ATG2B: variants seen among roughly 807,000 people sequenced by gnomAD.
ATG2B encodes autophagy-related protein 2 homolog B.
ATG2B carries 121 observed loss-of-function variants against 241.3 expected under a neutral mutation model. The ratio of observed to expected loss-of-function variants is 0.50; its 90% confidence interval spans 0.43 to 0.58. ATG2B has a LOEUF of 0.58. Ranked by LOEUF, ATG2B falls within the 20% of genes least tolerant of loss-of-function variation. The pLI, the probability that ATG2B is intolerant of heterozygous loss-of-function variation, is 0.00. For missense variants in ATG2B, 2,306 were observed against 2,491.6 expected (o/e 0.93, Z 1.59); for synonymous variants, 858 against 876.6 (o/e 0.98, Z 0.37).
At position 96,332,592 on chromosome 14, in the gene ATG2B, G is replaced by T. The variant is rs746956149; in HGVS notation, c.1271C>A (p.Pro424His). The change falls in exon 9 of 42, where the codon CCC becomes CAC. Residue 424 changes from proline to histidine, a missense_variant. By Grantham distance (77) the Pro-to-His change is moderately conservative. This residue lies in a region of ATG2B where 1,927 missense variants were observed against 2,011.2 expected (regional missense o/e 0.96). Transcript: ENST00000359933. ...GTCCATGTTTGGGGGGTCCCCAAGG[G>T]GTGGAAGAGAAGAGAGACTATGAGA... ...DMSHSLSSLP[P>H]LGDPPNMDLE... 4.3e-6 allele frequency: 7 copies of T among 1,609,456 alleles called. No homozygotes were observed. The highest frequency in any genetic ancestry group is 5.9e-6 in the Non-Finnish European group (7 of 1,178,484).
In ATG2B at chr14:96,331,359, C is replaced by G; in HGVS notation, c.1730+17G>C. 6.3e-7 allele frequency: 1 copy of G among 1,595,980 alleles called. No individual in the cohort carries two copies. Among genetic ancestry groups the G allele is most frequent in the Non-Finnish European group, 8.5e-7 (1 of 1,172,978 alleles). ...GTGGAAGTTTAAAGGATCATTAATA[C>G]ATATGTGAGAGTTTACCTAAGGTGA... On this transcript the variant is annotated intron_variant, in intron 11 of 41. Coordinates refer to ENST00000359933, the MANE Select transcript of ATG2B (RefSeq NM_018036.7).
rs1478220078 is a variant in ATG2B at position 96,279,905 on chromosome 14, A to C, written c.*5850T>G. 1 of 152,390 alleles carries C rather than the reference A, an allele frequency of 6.6e-6. No homozygotes were observed. The highest frequency in any genetic ancestry group is 1.5e-5 in the Non-Finnish European group (1 of 68,210). The allele number at this position is 152,390 out of a possible 1,614,324, so 9.4% of individuals were successfully genotyped here. A position where few individuals can be genotyped will look rare whatever the true frequency, so the allele number is the denominator to read the frequency against. On this transcript the variant is annotated 3_prime_UTR_variant, in exon 42 of 42. Coordinates refer to ENST00000359933, the MANE Select transcript of ATG2B (RefSeq NM_018036.7). ...CAGCGGGGGGTGGGAGGGTGGCAAC[A>C]TCCCCTGCATCCTACAATGCACAGG...
At chr14:96,321,735 C>T (rs1024170810) in intron 18 of ATG2B, among the ~76,000 whole-genome samples, 2 of 152,270 alleles carry the variant, frequency 1.3e-5, no homozygotes, top group East Asian at 1.9e-4. Context: ...AGAAAAGATG[C>T]TTCTTGTACA....
intron 3 of ATG2B, 32 bp from the exon 4 acceptor site, chr14:96,344,788 G>T: frequency 2.9e-6 from 3 of 1,032,234 alleles, no homozygotes; most frequent in South Asian, 3.2e-5. Flanking sequence ...CAACGTAAGA[G>T]ACCACATATA....
At chr14:96,351,792 T>C (rs895208628) in intron 1 of ATG2B, among the ~76,000 whole-genome samples, 16 of 151,128 alleles carry the variant, frequency 1.1e-4, no homozygotes, top group Non-Finnish European at 2.1e-4. Flanking sequence ...TCCCAGCTCC[T>C]TGGCGGGCTA....
At chr14:96,347,660 G>A (rs2139900243) in intron 1 of ATG2B, among the ~76,000 whole-genome samples, 1 of 152,286 alleles carries the variant, frequency 6.6e-6, no homozygotes, top group East Asian at 1.9e-4. Flanking sequence ...ATCCTACTAA[G>A]AAATGGGCAA....
rs1595314796 is a variant in ATG2B at position 96,328,188 on chromosome 14, T to C, written c.2163+159A>G. Among the ~76,000 whole-genome samples the C allele has an allele frequency of 5.9e-5, 9 of 152,210 alleles. No homozygotes were observed. In the South Asian group the frequency reaches 1.9e-3, roughly 32 times the overall value. ...AAAAACTTATTTAGCTAGTCTACTATCAAGACATAAAAGATGTCTCCTTTT... is the reference window on the plus strand; with the variant it reads ...AAAAACTTATTTAGCTAGTCTACTACCAAGACATAAAAGATGTCTCCTTTT... On this transcript the variant is annotated intron_variant, in intron 14 of 41. Transcript: ENST00000359933.
chr14:96,333,877 T>A lies in ATG2B; in HGVS notation c.1022-4A>T. On this transcript the variant is annotated splice_region_variant and splice_polypyrimidine_tract_variant and intron_variant, in intron 7 of 41. Transcript: ENST00000359933. ...AACCCTATTTTGCTAGAATTTTCTA[T>A]AAGCATACAAAAGGAAACCAAAACA... is the stretch of plus-strand genomic sequence containing the variant. 6.2e-7 allele frequency: 1 copy of A among 1,612,230 alleles called. No individual in the cohort carries two copies. Among genetic ancestry groups the A allele is most frequent in the Non-Finnish European group, 8.5e-7 (1 of 1,178,752 alleles).
Position 96,313,339 on chromosome 14 carries a change from G to A in ATG2B, c.3739C>T (p.Leu1247Phe), listed in dbSNP as rs1595305800. 2 of 1,581,874 alleles carry A rather than the reference G, an allele frequency of 1.3e-6. No homozygotes were observed. The highest frequency in any genetic ancestry group is 1.2e-5 in the South Asian group (1 of 84,834). Reference protein sequence around the residue: ...TFHVHLWSCALDYRPLYLPIR... With the variant: ...TFHVHLWSCAFDYRPLYLPIR... ...CATTTGTGAACTTACCTATAATCAA[G>A]TGCACAGCTCCAAAGATGAACATGA... Residue 1247 changes from leucine to phenylalanine, a missense_variant, in exon 24 of 42, where the codon CTT becomes TTT. By Grantham distance (22) the Leu-to-Phe change is conservative (BLOSUM62 0). This residue lies in a region of ATG2B where 1,927 missense variants were observed against 2,011.2 expected (regional missense o/e 0.96). Coordinates refer to ENST00000359933, the MANE Select transcript of ATG2B (RefSeq NM_018036.7).
chr14:96,325,696 G>A lies in ATG2B; in HGVS notation c.2390C>T (p.Ser797Leu). 1 of 1,613,654 alleles carries A rather than the reference G, an allele frequency of 6.2e-7. No individual in the cohort carries two copies. Among genetic ancestry groups the A allele is most frequent in the Non-Finnish European group, 8.5e-7 (1 of 1,179,850 alleles). Residue 797 changes from serine to leucine, a missense_variant, in exon 15 of 42, where the codon TCA (serine) becomes TTA (leucine). Physicochemically the swap from Ser to Leu is moderately radical, Grantham distance 145. This residue lies in a region of ATG2B where 1,927 missense variants were observed against 2,011.2 expected (regional missense o/e 0.96). Coordinates refer to ENST00000359933, the MANE Select transcript of ATG2B (RefSeq NM_018036.7). ...LEFKTEFIGG[S>L]TPEQIKLELT... ...TTCCAATTTAATTTGTTCTGGGGTT[G>A]ATCCTCCTATAAATTCAGTCTTAAA...
chr14:96,297,255 CA>C (rs200388876), intron 34 of ATG2B, among the ~76,000 whole-genome samples: 2 of 147,856 alleles, frequency 1.4e-5, no homozygotes, highest in Non-Finnish European at 1.5e-5. Context: ...TGATTACCTT[CA>C]AAAAAACAGC....
intron 23 of ATG2B, 95 bp downstream of exon 23, chr14:96,315,059 G>A (rs1198774078): frequency 2.3e-6 from 2 of 851,748 alleles, no homozygotes; most frequent in East Asian, 5.4e-5. Flanking sequence ...AATTCACTGA[G>A]CTGAACATTT....
At position 96,279,712 on chromosome 14, in the gene ATG2B, C is replaced by T. The variant is rs1487085453; in HGVS notation, c.*6043G>A. ...CATCCGAGTTGGGGCGGCCATAGCG[C>T]GTTCTTGCCCCAGGCTGTGCATGAT... On this transcript the variant is annotated 3_prime_UTR_variant, in exon 42 of 42. Transcript: ENST00000359933. The T allele has an allele frequency of 6.6e-6, 1 of 152,294 alleles. No homozygotes were observed. Among genetic ancestry groups the T allele is most frequent in the Non-Finnish European group, 1.5e-5 (1 of 68,088 alleles). 9.4% of individuals were successfully genotyped at this position (152,294 alleles called of 1,614,324 possible).
At chr14:96,324,366 A>T (rs1887536305) in intron 15 of ATG2B, among the ~76,000 whole-genome samples, 1 of 152,144 alleles carries the variant, frequency 6.6e-6, no homozygotes, top group Admixed American at 6.6e-5. Context: ...TGTACCAAAC[A>T]CTGTAAGAAA....
intron 33 of ATG2B, 98 bp downstream of exon 33, chr14:96,302,963 T>C (rs964708145): frequency 2.3e-6 from 2 of 857,332 alleles, no homozygotes; most frequent in African/African-American, 1.8e-5. Context: ...TGAGAAAAGA[T>C]ATCTAGTAAT....
At position 96,312,163 on chromosome 14, in the gene ATG2B, A is replaced by T; in HGVS notation, c.3843-4T>A. On this transcript the variant is annotated splice_polypyrimidine_tract_variant and splice_region_variant and intron_variant, in intron 25 of 41. Coordinates refer to ENST00000359933, the MANE Select transcript of ATG2B (RefSeq NM_018036.7). The stretch of plus-strand genomic sequence containing the variant: ...AGCAGCTTCATCCAAGATTATTCTG[A>T]GGCAAGAAAGATAAAACCAACATCT... The T allele has an allele frequency of 6.3e-7, 1 of 1,595,590 alleles. No homozygotes were observed. Among genetic ancestry groups the T allele is most frequent in the Non-Finnish European group, 8.5e-7 (1 of 1,174,110 alleles).
At chr14:96,293,876 TG>T (rs1886557224) in intron 36 of ATG2B, among the ~76,000 whole-genome samples, 1 of 152,218 alleles carries the variant, frequency 6.6e-6, no homozygotes, top group South Asian at 2.1e-4. Context: ...CAAAATTCTT[TG>T]CTTTCAGGCC....
chr14:96,311,724 G>C, intron 26 of ATG2B, 106 bp from the exon 27 acceptor site: 1 of 687,122 alleles, frequency 1.5e-6, no homozygotes, highest in East Asian at 2.8e-5. Context: ...ATTGCAGAGA[G>C]CACTACAAAT....
At chr14:96,309,340 C>T (rs1315354738) in intron 29 of ATG2B, 113 bp downstream of exon 29, 1 of 1,268,246 alleles carries the variant, frequency 7.9e-7, no homozygotes, top group Non-Finnish European at 1.1e-6. Flanking sequence ...TAACAGATAT[C>T]CATAAAAACT....
Sources: gnomAD v4.1 joint callset for allele counts (sites outside exome capture counted in the v4.1 genomes callset) on GRCh38, gnomAD v4.1.1 for gene constraint, gnomAD v4.1.1 regional missense constraint, MANE v1.5 for transcripts, NCBI Gene and HGNC (gene_info 2026-07-23, HGNC 2026-07-21) for gene names.